The following NR3C1 variants were observed in gnomAD, a reference collection of about 807,000 sequenced individuals.
NR3C1 encodes the protein glucocorticoid receptor.
In NR3C1, 14 loss-of-function variants were observed where a neutral mutation model predicts 74.0. That is an observed-to-expected ratio of 0.19 (90% CI 0.12 to 0.30). NR3C1 has a LOEUF of 0.30. Ranked by LOEUF, NR3C1 falls within the 10% of genes least tolerant of loss-of-function variation. NR3C1 has a pLI of 1.00. For synonymous variants in NR3C1, 308 were observed against 332.5 expected, an observed-to-expected ratio of 0.93 and a Z score of 0.80; for missense variants, 695 against 909.8, an observed-to-expected ratio of 0.76 and a Z score of 3.04.
At chr5:143,361,559 CCT>C (rs1184604639) in intron 2 of NR3C1, among the ~76,000 whole-genome samples, 1 of 152,144 alleles carries the variant, frequency 6.6e-6, no homozygotes, top group East Asian at 1.9e-4. Context: ...CTCTATAACC[CCT>C]GATAGTTCTT....
intron 2 of NR3C1, among the ~76,000 whole-genome samples, chr5:143,327,101 G>A (rs868332575): frequency 1.3e-5 from 2 of 152,158 alleles, no homozygotes; most frequent in Non-Finnish European, 2.9e-5. Context: ...ATCTGAGACT[G>A]GGTAATTTAT....
At chr5:143,323,663 C>A (rs1823893190) in intron 2 of NR3C1, among the ~76,000 whole-genome samples, 1 of 152,140 alleles carries the variant, frequency 6.6e-6, no homozygotes, top group Non-Finnish European at 1.5e-5. Context: ...TCAGTATTAA[C>A]CCAGAAGTCC....
intron 1 of NR3C1, among the ~76,000 whole-genome samples, chr5:143,415,193 CTA>C (rs1841435497): frequency 1.3e-5 from 2 of 152,124 alleles, no homozygotes; most frequent in Non-Finnish European, 1.5e-5. Context: ...GCAGATGTAA[CTA>C]TTTTTTTCTT....
intron 1 of NR3C1, among the ~76,000 whole-genome samples, chr5:143,428,602 C>A (rs1211615484): frequency 6.6e-6 from 1 of 152,180 alleles, no homozygotes; most frequent in African/African-American, 2.4e-5. Flanking sequence ...CACAGCACAT[C>A]CCTTTGTTTA....
intron 1 of NR3C1, among the ~76,000 whole-genome samples, chr5:143,426,952 A>G (rs1236106655): frequency 6.6e-6 from 1 of 152,200 alleles, no homozygotes; most frequent in Non-Finnish European, 1.5e-5. Context: ...CACCCATGTG[A>G]GTGGATGTCA....
chr5:143,323,048 C>T lies in NR3C1; in HGVS notation c.1185-8880G>A, dbSNP rs571598173. On this transcript the variant is annotated intron_variant, in intron 2 of 8. Coordinates refer to ENST00000394464, the MANE Select transcript of NR3C1 (RefSeq NM_000176.3). The stretch of plus-strand genomic sequence containing the variant: ...CCTGCAGTCAACCACAGTTTGAAAA[C>T]ATTAAGTGGAAAATTCCAGAAATAA... Among the ~76,000 whole-genome samples the T allele has an allele frequency of 3.3e-5, 5 of 152,328 alleles. No homozygotes were observed. The South Asian group carries it at 1.0e-3, about 32-fold the overall frequency.
At chr5:143,316,119 C>T (rs1047533791) in intron 2 of NR3C1, among the ~76,000 whole-genome samples, 2 of 152,190 alleles carry the variant, frequency 1.3e-5, no homozygotes, top group East Asian at 1.9e-4. Flanking sequence ...GCTGTAGGTC[C>T]GGCACAGGCC....
chr5:143,283,951 A>ATAAC (rs1027321862), intron 7 of NR3C1, among the ~76,000 whole-genome samples: 4 of 152,246 alleles, frequency 2.6e-5, no homozygotes, highest in South Asian at 2.1e-4. Flanking sequence ...TCTTGGAGAT[A>ATAAC]TAACTGTGCA....
chr5:143,358,375 G>C (rs2151811615), intron 2 of NR3C1, among the ~76,000 whole-genome samples: 1 of 152,246 alleles, frequency 6.6e-6, no homozygotes, highest in East Asian at 1.9e-4. Context: ...GCCTTATAAT[G>C]TTCATTTTGA....
rs1011065378 is a variant in NR3C1 at position 143,353,260 on chromosome 5, T to C, written c.1185-39092A>G. Among the ~76,000 whole-genome samples, 5 of 152,236 alleles carry C rather than the reference T, an allele frequency of 3.3e-5. No individual in the cohort carries two copies. The East Asian group carries it at 9.6e-4, about 29-fold the overall frequency. On this transcript the variant is annotated intron_variant, in intron 2 of 8. Transcript: ENST00000394464. The stretch of plus-strand genomic sequence containing the variant: ...TTCTACCACATCTGCAGTGACTTCC[T>C]AAACTGAAGTGTTGAACCCCTCAAA...
chr5:143,405,274 G>C (rs1240898769), upstream of NR3C1: 1 of 985,624 alleles, frequency 1.0e-6, no homozygotes, highest in African/African-American at 1.7e-5. Flanking sequence ...TGACACGGGC[G>C]GGGGCTGCCG....
chr5:143,395,255 A>T (rs1165619289), intron 2 of NR3C1, among the ~76,000 whole-genome samples: 2 of 151,934 alleles, frequency 1.3e-5, no homozygotes, highest in Non-Finnish European at 2.9e-5. Context: ...AAAAATACAA[A>T]ACCCAAGTAT....
chr5:143,432,589 G>A (rs1461880412), intron 1 of NR3C1, among the ~76,000 whole-genome samples: 2 of 152,186 alleles, frequency 1.3e-5, no homozygotes, highest in Non-Finnish European at 2.9e-5. Flanking sequence ...ACTCAAAATT[G>A]GTGAAGTGTG....
Position 143,400,650 on chromosome 5 carries a change from C to G in NR3C1, c.190G>C (p.Asp64His). 6.2e-7 allele frequency: 1 copy of G among 1,614,020 alleles called. No individual in the cohort carries two copies. The highest frequency in any genetic ancestry group is 1.1e-5 in the South Asian group (1 of 91,086). The change falls in exon 2 of 9, where the codon GAT becomes CAT. Residue 64 changes from aspartate (D) to histidine (H), a missense_variant. Physicochemically the swap from Asp to His is moderately conservative, Grantham distance 81. Coordinates refer to ENST00000394464, the MANE Select transcript of NR3C1 (RefSeq NM_000176.3). ...SDSKQRRLLV[D>H]FPKGSVSNAQ... ...TTGCTTACTGAGCCTTTTGGAAAAT[C>G]AACCAAAAGTCTTCGCTGCTTGGAG...
chr5:143,341,606 A>G (rs1480114618), intron 2 of NR3C1, among the ~76,000 whole-genome samples: 1 of 152,376 alleles, frequency 6.6e-6, no homozygotes, highest in Middle Eastern at 3.4e-3. Flanking sequence ...TTCTAACAGA[A>G]CATGTGTATC....
intron 1 of NR3C1, among the ~76,000 whole-genome samples, chr5:143,420,649 C>G (rs769915709): frequency 1.3e-5 from 2 of 152,132 alleles, no homozygotes; most frequent in Non-Finnish European, 2.9e-5. Context: ...TTATTGGCAT[C>G]TAGTGGGTAG....
intron 2 of NR3C1, among the ~76,000 whole-genome samples, chr5:143,374,348 C>T (rs1309924071): frequency 1.3e-5 from 2 of 152,010 alleles, no homozygotes; most frequent in South Asian, 2.1e-4. Flanking sequence ...AAAAATTAGC[C>T]GGGCGCGGTG....
At position 143,363,983 on chromosome 5, in the gene NR3C1, TA is replaced by T. The variant is rs141992053; in HGVS notation, c.1184+35672del. Among the ~76,000 whole-genome samples the T allele has an allele frequency of 2.7e-4, 40 of 149,136 alleles. No individual in the cohort carries two copies. In the South Asian group the frequency reaches 5.5e-3, roughly 21 times the overall value. On this transcript the variant is annotated intron_variant, in intron 2 of 8. Transcript: ENST00000394464. ...AGCGGAAAGGGGCAAAAAGATTATT[TA>T]AAAAAAAAATAGTGGCAAAAGAACT... is the stretch of plus-strand genomic sequence containing the variant.
intron 2 of NR3C1, among the ~76,000 whole-genome samples, chr5:143,376,662 G>C (rs1462909690): frequency 6.6e-6 from 1 of 152,158 alleles, no homozygotes; most frequent in Non-Finnish European, 1.5e-5. Flanking sequence ...TCTAAATGTA[G>C]GTGATCATCC....
Sources: gnomAD v4.1 joint callset for allele counts (sites outside exome capture counted in the v4.1 genomes callset) on GRCh38, gnomAD v4.1.1 for gene constraint, MANE v1.5 for transcripts, NCBI Gene and HGNC (gene_info 2026-07-23, HGNC 2026-07-21) for gene names.